Variants in UST observed in about 807,000 individuals in gnomAD.
UST encodes uronyl 2-sulfotransferase.
Under a neutral mutation model 45.6 loss-of-function variants are expected in UST, and 21 were observed. The ratio of observed to expected loss-of-function variants is 0.46; its 90% confidence interval spans 0.33 to 0.66. The LOEUF (loss-of-function observed/expected upper bound fraction) is 0.66, where lower values mean the gene tolerates loss of function less well. Among genes scored for constraint, UST ranks in the 30% least tolerant of loss-of-function variants. The pLI, the probability that UST is intolerant of heterozygous loss-of-function variation, is 0.02. For synonymous variants in UST, 215 were observed against 200.6 expected (o/e 1.07, Z -0.61); for missense variants, 463 against 512.4 (o/e 0.90, Z 0.93).
chr6:148,951,777 A>G (rs1780369729), intron 3 of UST, among the ~76,000 whole-genome samples: 1 of 152,226 alleles, frequency 6.6e-6, no homozygotes, highest in African/African-American at 2.4e-5. Context: ...TGCTAATACA[A>G]TAAACACGAG....
chr6:148,953,630 G>T (rs1234309336), intron 3 of UST, among the ~76,000 whole-genome samples: 1 of 151,998 alleles, frequency 6.6e-6, no homozygotes, highest in Non-Finnish European at 1.5e-5. Context: ...AATTAGCCGG[G>T]CGTGGTGGCG....
chr6:148,802,217 G>T, intron 1 of UST, among the ~76,000 whole-genome samples: 1 of 152,178 alleles, frequency 6.6e-6, no homozygotes, highest in Non-Finnish European at 1.5e-5. Flanking sequence ...CCCTATCCCA[G>T]ACTCTGCTTC....
At chr6:148,808,908 C>A (rs555102219) in intron 1 of UST, among the ~76,000 whole-genome samples, 2 of 152,322 alleles carry the variant, frequency 1.3e-5, no homozygotes, top group African/African-American at 4.8e-5. Context: ...GAGCCCTCAC[C>A]AGGAATTGAA....
chr6:148,996,542 A>C (rs1781455573), intron 5 of UST, among the ~76,000 whole-genome samples: 1 of 152,230 alleles, frequency 6.6e-6, no homozygotes, highest in Non-Finnish European at 1.5e-5. Context: ...TTTCACCAGG[A>C]AGACTGCTTT....
intron 7 of UST, among the ~76,000 whole-genome samples, chr6:149,065,406 CA>C (rs1408578266): frequency 6.6e-6 from 1 of 152,174 alleles, no homozygotes; most frequent in East Asian, 1.9e-4. Context: ...TATCGTACAG[CA>C]AGACACACAT....
At chr6:148,925,555 G>T (rs1247525005) in intron 2 of UST, among the ~76,000 whole-genome samples, 1 of 152,154 alleles carries the variant, frequency 6.6e-6, no homozygotes, top group Non-Finnish European at 1.5e-5. Context: ...AAGAAAGGGG[G>T]GAATATTTCC....
chr6:148,817,713 G>A (rs538852940), intron 1 of UST, among the ~76,000 whole-genome samples: 5 of 152,330 alleles, frequency 3.3e-5, no homozygotes, highest in African/African-American at 1.2e-4. Context: ...CCTTCAGGTA[G>A]TACGCTTCAG....
intron 1 of UST, among the ~76,000 whole-genome samples, 175 bp downstream of exon 1, chr6:148,747,852 C>G (rs1028766959): frequency 6.6e-6 from 1 of 152,168 alleles, no homozygotes; most frequent in Non-Finnish European, 1.5e-5. Context: ...TTCTTCCTCC[C>G]GCGCGTCCGA....
intron 7 of UST, among the ~76,000 whole-genome samples, chr6:149,035,167 CT>C (rs1776223261): frequency 6.6e-6 from 1 of 152,084 alleles, no homozygotes; most frequent in African/African-American, 2.4e-5. Flanking sequence ...CATTTTTTCT[CT>C]GGAAGAGTTC....
intron 1 of UST, among the ~76,000 whole-genome samples, chr6:148,800,920 G>C (rs1483313541): frequency 6.6e-6 from 1 of 151,764 alleles, no homozygotes; most frequent in Non-Finnish European, 1.5e-5. Flanking sequence ...AATTATCTAA[G>C]AAAGATATTG....
intron 5 of UST, among the ~76,000 whole-genome samples, chr6:148,987,445 A>G (rs1453810996): frequency 6.6e-6 from 1 of 152,088 alleles, no homozygotes; most frequent in South Asian, 2.1e-4. Flanking sequence ...ACTTCAGAAG[A>G]CTCGGGTCTT....
At chr6:149,022,605 AAAAG>A (rs1014891131) in intron 7 of UST, among the ~76,000 whole-genome samples, 19 of 152,252 alleles carry the variant, frequency 1.2e-4, no homozygotes, top group East Asian at 9.6e-4. Flanking sequence ...CATCTCAAAA[AAAAG>A]AAAGAAAGAA....
chr6:149,065,092 A>C (rs1776713003), intron 7 of UST, among the ~76,000 whole-genome samples: 1 of 152,204 alleles, frequency 6.6e-6, no homozygotes, highest in African/African-American at 2.4e-5. Flanking sequence ...ACGCTCATGG[A>C]GTGAGGTCTT....
intron 2 of UST, among the ~76,000 whole-genome samples, chr6:148,896,628 T>C (rs189722861): frequency 1.3e-5 from 2 of 152,230 alleles, no homozygotes. Flanking sequence ...TTTTCAACTT[T>C]TCAATTATTT....
chr6:149,053,846 C>G (rs78422192), intron 7 of UST, among the ~76,000 whole-genome samples: 2,523 of 152,338 alleles, frequency 0.017, 45 homozygotes, highest in African/African-American at 0.048. Context: ...AGAATTGGGG[C>G]TCATATCTAG....
At chr6:148,995,134 C>T (rs13217938) in intron 5 of UST, among the ~76,000 whole-genome samples, 17 of 152,112 alleles carry the variant, frequency 1.1e-4, no homozygotes, top group Non-Finnish European at 2.1e-4. Context: ...AAGCTATTCT[C>T]GTACCTCAGC....
chr6:148,811,872 A>G (rs2114731021), intron 1 of UST, among the ~76,000 whole-genome samples: 1 of 152,336 alleles, frequency 6.6e-6, no homozygotes, highest in African/African-American at 2.4e-5. Flanking sequence ...GGCAAAATAC[A>G]TCTCACCTCT....
At chr6:148,795,206 G>A (rs1405324577) in intron 1 of UST, among the ~76,000 whole-genome samples, 4 of 152,196 alleles carry the variant, frequency 2.6e-5, no homozygotes, top group African/African-American at 9.7e-5. Context: ...TTGAGAAGTA[G>A]GCTTGGGATG....
chr6:148,876,941 C>G (rs939773544), intron 1 of UST, among the ~76,000 whole-genome samples: 1 of 116,890 alleles, frequency 8.6e-6, no homozygotes, highest in Non-Finnish European at 1.6e-5. Context: ...TTCTTACTTG[C>G]GGATCCTGTG....
Sources: gnomAD v4.1 joint callset for allele counts (sites outside exome capture counted in the v4.1 genomes callset) on GRCh38, gnomAD v4.1.1 for gene constraint, MANE v1.5 for transcripts, NCBI Gene and HGNC (gene_info 2026-07-23, HGNC 2026-07-21) for gene names.